PCDHGB5: variants seen among roughly 807,000 people sequenced by gnomAD.
The protein encoded by PCDHGB5 is protocadherin gamma subfamily B, 5, also known as protocadherin gamma-B5.
Under a neutral mutation model 62.9 loss-of-function variants are expected in PCDHGB5, and 48 were observed. The observed-to-expected ratio is 0.76, with a 90% CI of 0.61 to 0.97. The LOEUF (loss-of-function observed/expected upper bound fraction) is 0.97. Among genes scored for constraint, PCDHGB5 ranks in the 50% least tolerant of loss-of-function variants. PCDHGB5 has a pLI of 0.00. For synonymous variants in PCDHGB5, 474 were observed against 511.2 expected (o/e 0.93, Z 0.98); for missense variants, 1,118 against 1,198.6 (o/e 0.93, Z 0.99).
intron 3 of PCDHGB5, among the ~76,000 whole-genome samples, chr5:141,506,146 T>C (rs1014881418): frequency 6.6e-6 from 1 of 152,086 alleles, no homozygotes; most frequent in African/African-American, 2.4e-5. Context: ...AAGAATATCA[T>C]TTGTCCTTAA....
intron 1 of PCDHGB5, chr5:141,439,900 A>G (rs562278732): frequency 6.6e-5 from 10 of 152,362 alleles, no homozygotes; most frequent in African/African-American, 2.2e-4. Flanking sequence ...CAAGGCGACT[A>G]CTGCCTCCTT....
chr5:141,422,342 TG>T, intron 1 of PCDHGB5: 1 of 1,551,514 alleles, frequency 6.4e-7, no homozygotes. Context: ...CTTCTAAATG[TG>T]CAAGATCAAG....
chr5:141,418,773 A>G, intron 1 of PCDHGB5: 2 of 1,613,904 alleles, frequency 1.2e-6, no homozygotes, highest in Non-Finnish European at 1.7e-6. Flanking sequence ...CTAACTCAGC[A>G]GCCTTTGGAT....
At chr5:141,465,266 C>G (rs2099099623) in intron 1 of PCDHGB5, among the ~76,000 whole-genome samples, 1 of 152,096 alleles carries the variant, frequency 6.6e-6, no homozygotes, top group South Asian at 2.1e-4. Flanking sequence ...ATGATACTAG[C>G]CATTTAGTTC....
chr5:141,479,941 T>C (rs983830280), intron 1 of PCDHGB5, among the ~76,000 whole-genome samples: 2 of 152,194 alleles, frequency 1.3e-5, no homozygotes, highest in Admixed American at 6.5e-5. Context: ...TGCTATCAAC[T>C]CTTGGATTTG....
intron 1 of PCDHGB5, among the ~76,000 whole-genome samples, chr5:141,484,009 T>A (rs1157069536): frequency 7.1e-5 from 1 of 14,094 alleles, no homozygotes; most frequent in African/African-American, 2.8e-4. Flanking sequence ...TGGATGAGGG[T>A]GGGGGTGGGG....
rs143138320 is a variant in PCDHGB5 at position 141,489,458 on chromosome 5, G to C, written c.2398-5349G>C. The stretch of plus-strand genomic sequence containing the variant: ...CAATTGGGCTCTGAGGAGAATGGGC[G>C]CTATTTTTCCCTGAGCTTGATGAGT... On this transcript the variant is annotated intron_variant, in intron 1 of 3. Coordinates refer to ENST00000617380, the MANE Select transcript of PCDHGB5 (RefSeq NM_018925.3). The surrounding 1 kb of genome is among the most constrained non-coding windows in gnomAD (Gnocchi z 4.5). 3.7e-6 allele frequency: 6 copies of C among 1,613,924 alleles called. No individual in the cohort carries two copies. The highest frequency in any genetic ancestry group is 5.1e-6 in the Non-Finnish European group (6 of 1,180,000).
rs143939286 is a variant in PCDHGB5 at position 141,427,522 on chromosome 5, T to C, written c.2397+26998T>C. 6.1e-3 allele frequency: 3,716 copies of C among 607,796 alleles called. 27 individuals are homozygous for C. The highest frequency in any genetic ancestry group is 8.8e-3 in the Non-Finnish European group (2,868 of 324,656). The allele number at this position is 607,796 out of a possible 1,614,324, so 37.7% of individuals were successfully genotyped here. A position where few individuals can be genotyped will look rare whatever the true frequency, so the allele number is the denominator to read the frequency against. On this transcript the variant is annotated intron_variant, in intron 1 of 3. Transcript: ENST00000617380. ...GATGGGACCCTGGATTGGGAGCGGATCCCGGAGTACAACGTCACCATCACT... is the reference window on the plus strand; with the variant it reads ...GATGGGACCCTGGATTGGGAGCGGACCCCGGAGTACAACGTCACCATCACT...
intron 1 of PCDHGB5, chr5:141,410,275 C>A: frequency 6.2e-7 from 1 of 1,614,038 alleles, no homozygotes; most frequent in Non-Finnish European, 8.5e-7. Context: ...TGCAGTTTTA[C>A]CTGGTGGTGG....
At chr5:141,441,279 C>T (rs3792898) in intron 1 of PCDHGB5, 17,193 of 152,116 alleles carry the variant, frequency 0.11, 1,155 homozygotes, top group African/African-American at 0.18. Context: ...CGGGAGAAAA[C>T]GAGGTCACAT....
intron 1 of PCDHGB5, chr5:141,428,863 T>C (rs1160939898): frequency 6.7e-6 from 1 of 149,182 alleles, no homozygotes; most frequent in African/African-American, 2.4e-5. Context: ...CGGGAGACTT[T>C]TTTTTTTTTT....
Position 141,398,937 on chromosome 5 carries a change from C to A in PCDHGB5, c.810C>A (p.Asp270Glu). The A allele has an allele frequency of 6.2e-7, 1 of 1,613,902 alleles. No individual in the cohort carries two copies. Residue 270 changes from aspartate (D) to glutamate (E), a missense_variant, in exon 1 of 4, where the codon GAC (aspartate) becomes GAA (glutamate). Transcript: ENST00000617380. ...TGCAAGTGTCAGCCACTGACCAAGA[C>A]GAGGGCATCAACTCAGAAATTACTT... ...TVLQVSATDQDEGINSEITYS... is the reference protein window; with the variant it reads ...TVLQVSATDQEEGINSEITYS...
chr5:141,459,311 T>A (rs1298312167), intron 1 of PCDHGB5, among the ~76,000 whole-genome samples: 1 of 152,250 alleles, frequency 6.6e-6, no homozygotes, highest in Non-Finnish European at 1.5e-5. Flanking sequence ...TATACTATTT[T>A]GTATCCATCT....
intron 1 of PCDHGB5, chr5:141,441,665 A>ACAGTG (rs936537442): frequency 7.5e-6 from 2 of 265,720 alleles, no homozygotes; most frequent in African/African-American, 4.7e-5. Flanking sequence ...CCTTGAGCGC[A>ACAGTG]CAGTGCGCCT....
At chr5:141,403,589 A>ACGGCCT in intron 1 of PCDHGB5, 2 of 1,613,812 alleles carry the variant, frequency 1.2e-6, no homozygotes, top group Non-Finnish European at 1.7e-6. Context: ...CCTGGTCCTC[A>ACGGCCT]CGGCCTCGGA....
chr5:141,408,643 C>G (rs751905674), intron 1 of PCDHGB5: 2 of 1,613,910 alleles, frequency 1.2e-6, no homozygotes, highest in Admixed American at 1.7e-5. Context: ...AATCTGCATC[C>G]GCTGGTACAC....
chr5:141,507,816 TG>T (rs1478957063), intron 3 of PCDHGB5, among the ~76,000 whole-genome samples: 1 of 152,130 alleles, frequency 6.6e-6, no homozygotes, highest in African/African-American at 2.4e-5. Flanking sequence ...GAACGGACCC[TG>T]GGGGTGGAGG....
At chr5:141,501,329 ACACAC>A (rs1562200854) in intron 2 of PCDHGB5, among the ~76,000 whole-genome samples, 2 of 148,226 alleles carry the variant, frequency 1.3e-5, no homozygotes, top group Non-Finnish European at 3.0e-5. Flanking sequence ...ACACACACAC[ACACAC>A]CCCAAACTCA....
intron 1 of PCDHGB5, chr5:141,419,739 G>T: frequency 6.2e-7 from 1 of 1,613,770 alleles, no homozygotes; most frequent in South Asian, 1.1e-5. Context: ...GGCGAGGTGC[G>T]CATGGTGCGT....
Sources: allele counts gnomAD v4.1 joint callset (sites outside exome capture counted in the v4.1 genomes callset), GRCh38; gene constraint gnomAD v4.1.1; non-coding constraint Gnocchi (gnomAD v3.1); transcripts MANE v1.5; gene names NCBI Gene and HGNC (gene_info 2026-07-23, HGNC 2026-07-21).